Variants in KCNH5 observed in about 807,000 individuals in gnomAD.
KCNH5 encodes potassium voltage-gated channel subfamily H member 5.
Under a neutral mutation model 96.1 loss-of-function variants are expected in KCNH5, and 46 were observed. The observed-to-expected ratio is 0.48, with a 90% CI of 0.38 to 0.61. KCNH5 has a LOEUF of 0.61. Ranked by LOEUF, KCNH5 falls within the 20% of genes least tolerant of loss-of-function variation. The pLI, the probability that KCNH5 is intolerant of heterozygous loss-of-function variation, is 0.00. For missense variants in KCNH5, 907 were observed against 1,225.8 expected (o/e 0.74, Z 3.88); for synonymous variants, 439 against 449.8 (o/e 0.98, Z 0.30).
At chr14:62,716,738 G>A (rs573950142) in intron 10 of KCNH5, among the ~76,000 whole-genome samples, 1 of 152,270 alleles carries the variant, frequency 6.6e-6, no homozygotes, top group South Asian at 2.1e-4. Flanking sequence ...TATCAGCAAA[G>A]AGAGGCGCAG....
intron 6 of KCNH5, among the ~76,000 whole-genome samples, chr14:62,952,577 C>G (rs552071776): frequency 9.9e-5 from 15 of 152,258 alleles, no homozygotes; most frequent in African/African-American, 3.1e-4. Flanking sequence ...ATAATATTTT[C>G]TGGTTAGCTC....
At chr14:62,979,291 G>GA (rs941831253) in intron 6 of KCNH5, among the ~76,000 whole-genome samples, 180 of 147,700 alleles carry the variant, frequency 1.2e-3, no homozygotes, top group African/African-American at 3.8e-3. Flanking sequence ...AGATAAATTT[G>GA]AAAAAAAAAA....
chr14:62,836,303 AG>A, intron 8 of KCNH5, among the ~76,000 whole-genome samples: 1 of 152,296 alleles, frequency 6.6e-6, no homozygotes, highest in African/African-American at 2.4e-5. Context: ...ATATTAGAAA[AG>A]CCTAGTATTA....
At chr14:62,737,693 G>A (rs1300290745) in intron 10 of KCNH5, among the ~76,000 whole-genome samples, 1 of 152,082 alleles carries the variant, frequency 6.6e-6, no homozygotes, top group Non-Finnish European at 1.5e-5. Context: ...CTTAATTATT[G>A]AGAAGTCAGG....
At chr14:62,943,035 T>G (rs527253240) in intron 7 of KCNH5, among the ~76,000 whole-genome samples, 1 of 152,192 alleles carries the variant, frequency 6.6e-6, no homozygotes, top group Non-Finnish European at 1.5e-5. Context: ...TGAATACATA[T>G]TTAATAATGT....
At chr14:62,732,901 C>T (rs573672950) in intron 10 of KCNH5, among the ~76,000 whole-genome samples, 8 of 152,196 alleles carry the variant, frequency 5.3e-5, no homozygotes, top group African/African-American at 1.2e-4. Context: ...CTCTCTCTTT[C>T]TCGTTGCCTC....
intron 6 of KCNH5, among the ~76,000 whole-genome samples, chr14:62,975,994 A>G (rs371029313): frequency 2.6e-5 from 4 of 152,106 alleles, no homozygotes; most frequent in African/African-American, 9.7e-5. Context: ...CTAGACCTTA[A>G]GCAAGAAAAG....
intron 8 of KCNH5, among the ~76,000 whole-genome samples, chr14:62,811,729 C>A (rs756344607): frequency 6.6e-6 from 1 of 152,078 alleles, no homozygotes; most frequent in Middle Eastern, 3.4e-3. Context: ...TTAATGAACA[C>A]CTTCCTTTAT....
At chr14:62,927,719 G>A (rs1050855988) in intron 7 of KCNH5, among the ~76,000 whole-genome samples, 5 of 152,098 alleles carry the variant, frequency 3.3e-5, no homozygotes, top group Non-Finnish European at 7.4e-5. Flanking sequence ...GTGGTCTCCA[G>A]GGGCTGAAGA....
In KCNH5 at chr14:62,883,757, CAATAAT is replaced by C. The variant is rs539787143; in HGVS notation, c.1370-33911_1370-33906del. Among the ~76,000 whole-genome samples the C allele has an allele frequency of 3.3e-3, 506 of 151,274 alleles. 2 individuals are homozygous for C. Among genetic ancestry groups the C allele is most frequent in the African/African-American group, 0.011 (474 of 41,262 alleles). On this transcript the variant is annotated intron_variant, in intron 7 of 10. Coordinates refer to ENST00000322893, the MANE Select transcript of KCNH5 (RefSeq NM_139318.5). ...TTTTTTCCACCACAGATATGTAGTA[CAATAAT>C]AATAATAATACTATTACAATAATAT...
intron 9 of KCNH5, among the ~76,000 whole-genome samples, chr14:62,785,434 G>A (rs543241897): frequency 2.8e-4 from 43 of 152,272 alleles, no homozygotes; most frequent in African/African-American, 9.6e-4. Context: ...TGGGAACTCC[G>A]GTTCATCTAC....
chr14:62,726,650 T>TG (rs1256702836), intron 10 of KCNH5, among the ~76,000 whole-genome samples: 2 of 151,922 alleles, frequency 1.3e-5, no homozygotes, highest in Admixed American at 6.6e-5. Flanking sequence ...TGTAATCTTA[T>TG]GGGGGAATGC....
intron 7 of KCNH5, among the ~76,000 whole-genome samples, chr14:62,869,553 T>A (rs1718935088): frequency 6.6e-6 from 1 of 152,240 alleles, no homozygotes; most frequent in Non-Finnish European, 1.5e-5. Flanking sequence ...TTTGTCAATT[T>A]TGGCTTTTGT....
At chr14:62,939,246 T>A (rs999991194) in intron 7 of KCNH5, among the ~76,000 whole-genome samples, 2 of 152,114 alleles carry the variant, frequency 1.3e-5, no homozygotes, top group African/African-American at 4.8e-5. Flanking sequence ...CCTTCCAGAG[T>A]CATGCTTCCA....
intron 7 of KCNH5, among the ~76,000 whole-genome samples, chr14:62,901,095 A>G (rs1595676651): frequency 1.3e-5 from 2 of 151,224 alleles, no homozygotes; most frequent in Non-Finnish European, 3.0e-5. Flanking sequence ...TTCAAGCACT[A>G]CTCCTGCCTC....
intron 7 of KCNH5, among the ~76,000 whole-genome samples, chr14:62,919,741 A>G (rs1407327788): frequency 6.6e-6 from 1 of 152,196 alleles, no homozygotes; most frequent in African/African-American, 2.4e-5. Context: ...TACGTGGCCC[A>G]TCATGAAAGT....
rs143405325 is a variant in KCNH5, at chr14:62,965,672, T to A, written c.943-15113A>T. 2.6e-3 allele frequency among the ~76,000 whole-genome samples: 395 copies of A among 152,182 alleles called. 1 individual carries two copies. Among genetic ancestry groups the A allele is most frequent in the Middle Eastern group, 0.01 (3 of 294 alleles). On this transcript the variant is annotated intron_variant, in intron 6 of 10. Coordinates refer to ENST00000322893, the MANE Select transcript of KCNH5 (RefSeq NM_139318.5). ...TCAATGTACCACCACACCTCAGAAG[T>A]CAAACCAAATACACAGTCATTCATA...
At chr14:62,867,313 C>T (rs1040449751) in intron 7 of KCNH5, among the ~76,000 whole-genome samples, 7 of 152,274 alleles carry the variant, frequency 4.6e-5, no homozygotes, top group Admixed American at 2.0e-4. Flanking sequence ...ATGTCACTCC[C>T]CTTCTGAATC....
chr14:62,777,791 A>T (rs1419333915), intron 10 of KCNH5, among the ~76,000 whole-genome samples: 2 of 152,144 alleles, frequency 1.3e-5, no homozygotes, highest in Admixed American at 6.5e-5. Flanking sequence ...TCTTCTTATC[A>T]GAAGACTGAG....
Sources: gnomAD v4.1 joint callset for allele counts (sites outside exome capture counted in the v4.1 genomes callset) on GRCh38, gnomAD v4.1.1 for gene constraint, MANE v1.5 for transcripts, NCBI Gene and HGNC (gene_info 2026-07-23, HGNC 2026-07-21) for gene names.